CDIN1: variants seen among roughly 807,000 people sequenced by gnomAD.
The protein encoded by CDIN1 is CDAN1 interacting nuclease 1, also known as CDAN1-interacting nuclease 1.
Under a neutral mutation model 45.3 loss-of-function variants are expected in CDIN1, and 33 were observed. The observed-to-expected ratio is 0.73, with a 90% CI of 0.55 to 0.97. The LOEUF is 0.97. Among genes scored for constraint, CDIN1 ranks in the 50% least tolerant of loss-of-function variants. CDIN1 has a pLI of 0.00. For synonymous variants in CDIN1, 118 were observed against 124.4 expected (o/e 0.95, Z 0.34); for missense variants, 303 against 339.4 (o/e 0.89, Z 0.84).
intron 8 of CDIN1, chr15:36,702,078 A>T: frequency 1.4e-6 from 1 of 702,288 alleles, no homozygotes; most frequent in Non-Finnish European, 2.6e-6. Context: ...GTACACGCAG[A>T]TGTCAGTGGC....
intron 1 of CDIN1, among the ~76,000 whole-genome samples, chr15:36,638,312 A>G (rs2039982231): frequency 6.6e-6 from 1 of 152,224 alleles, no homozygotes; most frequent in Non-Finnish European, 1.5e-5. Flanking sequence ...AAGAGTGGAC[A>G]TCTGAATTTT....
intron 10 of CDIN1, among the ~76,000 whole-genome samples, chr15:36,742,852 C>T (rs1011566855): frequency 6.6e-6 from 1 of 152,062 alleles, no homozygotes; most frequent in Non-Finnish European, 1.5e-5. Flanking sequence ...GTAAAATAAA[C>T]AAAAATGTTA....
chr15:36,742,071 G>T (rs1462905930), intron 10 of CDIN1, among the ~76,000 whole-genome samples: 1 of 151,968 alleles, frequency 6.6e-6, no homozygotes, highest in African/African-American at 2.4e-5. Flanking sequence ...AAATAAAAGC[G>T]TAGATGAAAC....
chr15:36,613,787 G>C lies in CDIN1; in HGVS notation c.102-30491G>C, dbSNP rs891708127. 1.0e-5 allele frequency: 16 copies of C among 1,602,314 alleles called. 1 individual carries two copies. The Admixed American group carries it at 1.7e-4, about 17-fold the overall frequency. On this transcript the variant is annotated intron_variant, in intron 1 of 10. Coordinates refer to ENST00000566621, the MANE Select transcript of CDIN1 (RefSeq NM_001321759.2). ...GGCCTTAAAAGATGAAGAAAAGATAGAACTCCAGGAAATCCAACCCAAAGA... is the reference window on the plus strand; with the variant it reads ...GGCCTTAAAAGATGAAGAAAAGATACAACTCCAGGAAATCCAACCCAAAGA...
chr15:36,580,510 G>T (rs959757726), intron 1 of CDIN1, among the ~76,000 whole-genome samples: 2 of 152,116 alleles, frequency 1.3e-5, no homozygotes, highest in African/African-American at 4.8e-5. Context: ...TGGGTCATTG[G>T]CCATTTGAAC....
At chr15:36,616,478 C>A (rs1386658274) in intron 1 of CDIN1, among the ~76,000 whole-genome samples, 4 of 151,922 alleles carry the variant, frequency 2.6e-5, no homozygotes, top group Non-Finnish European at 5.9e-5. Context: ...GACGGAGTTT[C>A]TTCATGTTGG....
rs2044363049 is a variant in CDIN1, at chr15:36,744,813, G to A, written c.716+34852G>A. Among the ~76,000 whole-genome samples the A allele has an allele frequency of 3.3e-5, 5 of 152,154 alleles. No homozygotes were observed. In the South Asian group the frequency reaches 8.3e-4, roughly 25 times the overall value. On this transcript the variant is annotated intron_variant, in intron 10 of 10. Coordinates refer to ENST00000566621, the MANE Select transcript of CDIN1 (RefSeq NM_001321759.2). ...GTGTACAGCTCTAATTAGCCCATGTGTAATTTGAGACATTGAATGTTTTGG... is the reference window on the plus strand; with the variant it reads ...GTGTACAGCTCTAATTAGCCCATGTATAATTTGAGACATTGAATGTTTTGG...
At chr15:36,615,393 A>C (rs552525302) in intron 1 of CDIN1, among the ~76,000 whole-genome samples, 1 of 152,284 alleles carries the variant, frequency 6.6e-6, no homozygotes, top group South Asian at 2.1e-4. Context: ...GCTGATTGGG[A>C]GAAAGAGAAA....
rs139490719 is a variant in CDIN1 at position 36,772,594 on chromosome 15, G to A, written c.717-35730G>A. Reference sequence around the variant, plus strand: ...CTGGCAGGCAATGATGTTCATCTCAGCAGGGACCAACTCAGTCTTGCTTCC... The same window carrying A: ...CTGGCAGGCAATGATGTTCATCTCAACAGGGACCAACTCAGTCTTGCTTCC... On this transcript the variant is annotated intron_variant, in intron 10 of 10. Coordinates refer to ENST00000566621, the MANE Select transcript of CDIN1 (RefSeq NM_001321759.2). Among the ~76,000 whole-genome samples the A allele has an allele frequency of 1.1e-4, 16 of 152,288 alleles. No homozygotes were observed. In the East Asian group the frequency reaches 1.7e-3, roughly 17 times the overall value.
chr15:36,792,756 T>A (rs1042278896), intron 10 of CDIN1, among the ~76,000 whole-genome samples: 1 of 152,128 alleles, frequency 6.6e-6, no homozygotes, highest in Non-Finnish European at 1.5e-5. Context: ...GTATTTGGGT[T>A]TCAAGAAAGA....
chr15:36,691,791 G>A (rs2042261461), intron 6 of CDIN1, 27 bp downstream of exon 6: 2 of 1,487,536 alleles, frequency 1.3e-6, no homozygotes, highest in South Asian at 2.4e-5. Context: ...TCTATTTTCA[G>A]TGGCAATGCT....
intron 10 of CDIN1, among the ~76,000 whole-genome samples, chr15:36,757,343 G>A (rs1030201490): frequency 1.9e-4 from 29 of 152,088 alleles, no homozygotes; most frequent in African/African-American, 7.0e-4. Flanking sequence ...CTTACATGAG[G>A]GTAGTATTAA....
At chr15:36,798,012 AGAGAGTTATTAGC>A in intron 10 of CDIN1, among the ~76,000 whole-genome samples, 3 of 137,680 alleles carry the variant, frequency 2.2e-5, no homozygotes, top group African/African-American at 8.4e-5. Flanking sequence ...ATTATATAGT[AGAGAGTTATTAGC>A]AAAAAAAAAA....
At chr15:36,634,848 A>G (rs909851260) in intron 1 of CDIN1, among the ~76,000 whole-genome samples, 1 of 152,154 alleles carries the variant, frequency 6.6e-6, no homozygotes, top group Non-Finnish European at 1.5e-5. Flanking sequence ...CCATTGCTCA[A>G]TTTTATGCAT....
At chr15:36,721,225 G>T (rs1179039391) in intron 10 of CDIN1, among the ~76,000 whole-genome samples, 1 of 152,126 alleles carries the variant, frequency 6.6e-6, no homozygotes. Context: ...TCTGTAGGCT[G>T]CCTGTTCACT....
intron 1 of CDIN1, among the ~76,000 whole-genome samples, chr15:36,630,719 G>A (rs1381005572): frequency 6.6e-6 from 1 of 152,166 alleles, no homozygotes; most frequent in Admixed American, 6.5e-5. Flanking sequence ...CAAGAAGCAG[G>A]GTGCTGGCTT....
chr15:36,754,400 A>G (rs2053553254), intron 10 of CDIN1, among the ~76,000 whole-genome samples: 1 of 152,164 alleles, frequency 6.6e-6, no homozygotes, highest in Admixed American at 6.6e-5. Context: ...AAATATTAAA[A>G]TGGAGAACAA....
intron 1 of CDIN1, among the ~76,000 whole-genome samples, chr15:36,619,688 A>T (rs111255938): frequency 1.3e-4 from 20 of 152,048 alleles, no homozygotes; most frequent in African/African-American, 4.3e-4. Context: ...GAGTGAGAGG[A>T]AATATTTTTT....
At chr15:36,691,880 C>A in intron 6 of CDIN1, 116 bp downstream of exon 6, 1 of 872,508 alleles carries the variant, frequency 1.1e-6, no homozygotes, top group Non-Finnish European at 1.8e-6. Flanking sequence ...GGTCAGGGTG[C>A]ACCATAAATG....
Sources: gnomAD v4.1 joint callset for allele counts (sites outside exome capture counted in the v4.1 genomes callset) on GRCh38, gnomAD v4.1.1 for gene constraint, MANE v1.5 for transcripts, NCBI Gene and HGNC (gene_info 2026-07-23, HGNC 2026-07-21) for gene names.